The following SLC35B4 variants were observed in gnomAD, a reference collection of about 807,000 sequenced individuals.
SLC35B4 encodes the protein solute carrier family 35 member B4, also known as nucleotide sugar transporter SLC35B4.
Under a neutral mutation model 39.5 loss-of-function variants are expected in SLC35B4, and 28 were observed. That is an observed-to-expected ratio of 0.71 (90% confidence interval 0.53 to 0.97). SLC35B4 has a LOEUF of 0.97. Ranked by LOEUF, SLC35B4 falls within the 50% of genes least tolerant of loss-of-function variation. The pLI is 0.00. For synonymous variants in SLC35B4, 145 were observed against 150.4 expected, an observed-to-expected ratio of 0.96 and a Z score of 0.26; for missense variants, 334 against 414.3, an observed-to-expected ratio of 0.81 and a Z score of 1.68.
rs1213101298 is a variant in SLC35B4, at chr7:134,294,179, C to G, written c.*654G>C. ...CACAGAAAGCAATGGATAGAAGCAT[C>G]TGACTTTTGCATAGAAAAAAAAAAA... On this transcript the variant is annotated 3_prime_UTR_variant, in exon 10 of 10. Transcript: ENST00000378509. The G allele has an allele frequency of 2.0e-5, 3 of 152,148 alleles. No individual in the cohort carries two copies. The highest frequency in any genetic ancestry group is 4.9e-5 in the African/African-American group (2 of 41,186). The allele number at this position is 152,148 out of a possible 1,614,324, so 9.4% of individuals were successfully genotyped here. A position where few individuals can be genotyped will look rare whatever the true frequency, so the allele number is the denominator to read the frequency against.
chr7:134,299,679 T>C, intron 7 of SLC35B4, 81 bp from the exon 8 acceptor site: 1 of 1,283,090 alleles, frequency 7.8e-7, no homozygotes. Context: ...TGATTAAAAG[T>C]CGTACAGGTT....
Position 134,294,269 on chromosome 7 carries a change from G to A in SLC35B4, c.*564C>T, listed in dbSNP as rs1803405870. The A allele has an allele frequency of 6.5e-6, 1 of 153,684 alleles. No individual in the cohort carries two copies. Among genetic ancestry groups the A allele is most frequent in the South Asian group, 2.0e-4 (1 of 4,888 alleles). 9.5% of individuals were successfully genotyped at this position (153,684 alleles called of 1,614,324 possible). ...CACTGTCACTGGGAATCAGCTCAGG[G>A]GAACATCTCTTTCCTTCCCAAAACG... On this transcript the variant is annotated 3_prime_UTR_variant, in exon 10 of 10. Transcript: ENST00000378509.
chr7:134,314,485 T>C (rs986935823), intron 1 of SLC35B4, among the ~76,000 whole-genome samples: 5 of 152,256 alleles, frequency 3.3e-5, no homozygotes, highest in Non-Finnish European at 7.3e-5. Flanking sequence ...ATTACCATTA[T>C]TCCCTGACTT....
chr7:134,301,574 T>C (rs927706250), intron 6 of SLC35B4, among the ~76,000 whole-genome samples, 187 bp downstream of exon 6: 1 of 152,178 alleles, frequency 6.6e-6, no homozygotes, highest in African/African-American at 2.4e-5. Flanking sequence ...CTGCCATGAA[T>C]GTGGGGGCAT....
chr7:134,299,653 T>C, intron 7 of SLC35B4, 55 bp from the exon 8 acceptor site: 1 of 1,419,932 alleles, frequency 7.0e-7, no homozygotes, highest in Non-Finnish European at 9.9e-7. Context: ...ATAGAATAAT[T>C]AGAGTAGCTT....
chr7:134,300,253 C>T lies in SLC35B4; in HGVS notation c.496G>A (p.Ala166Thr). 6.2e-7 allele frequency: 1 copy of T among 1,601,716 alleles called. No individual in the cohort carries two copies. The highest frequency in any genetic ancestry group is 8.5e-7 in the Non-Finnish European group (1 of 1,176,106). Residue 166 changes from alanine to threonine, a missense_variant, in exon 7 of 10, where the codon GCA (alanine) becomes ACA (threonine). Transcript: ENST00000378509. The stretch of plus-strand genomic sequence containing the variant: ...GACATCAGAAGAGCAAAAGTCAATG[C>T]CCCAATACCTAAAAAACAAACATCA... ...AFVWWLLGIG[A>T]LTFALLMSAR...
intron 9 of SLC35B4, among the ~76,000 whole-genome samples, chr7:134,295,926 T>G (rs1433907655): frequency 2.6e-5 from 4 of 152,042 alleles, no homozygotes; most frequent in Non-Finnish European, 5.9e-5. Context: ...ACCTCTTGGG[T>G]TCAAGCGATT....
At chr7:134,317,426 A>G (rs1804013329), upstream of SLC35B4, among the ~76,000 whole-genome samples, 1 of 152,200 alleles carries the variant, frequency 6.6e-6, no homozygotes, top group South Asian at 2.1e-4. Context: ...GAGAGCTTTA[A>G]AGATGACTGA....
chr7:134,305,454 T>C (rs982717866), intron 3 of SLC35B4, among the ~76,000 whole-genome samples: 36 of 152,222 alleles, frequency 2.4e-4, no homozygotes, highest in African/African-American at 8.7e-4. Context: ...CCGTGAATAC[T>C]GTATTTTCAT....
chr7:134,291,270 C>CTATT lies in SLC35B4; in HGVS notation c.*3559_*3562dup, dbSNP rs1280197533. Reference sequence around the variant, plus strand: ...TCACACATTCTGCCAGATATTCTCACTATTATGAATGTACCCCCCAATATC... The same window carrying CTATT: ...TCACACATTCTGCCAGATATTCTCACTATTTATTATGAATGTACCCCCCAATATC... On this transcript the variant is annotated 3_prime_UTR_variant, in exon 10 of 10. Transcript: ENST00000378509. 6 of 149,016 alleles carry CTATT rather than the reference C, an allele frequency of 4.0e-5. No individual in the cohort carries two copies. Among genetic ancestry groups the CTATT allele is most frequent in the Non-Finnish European group, 5.9e-5 (4 of 68,018 alleles). The allele number at this position is 149,016 out of a possible 1,614,324, so 9.2% of individuals were successfully genotyped here.
intron 3 of SLC35B4, among the ~76,000 whole-genome samples, chr7:134,306,438 T>A (rs1803711245): frequency 6.6e-6 from 1 of 152,096 alleles, no homozygotes; most frequent in Non-Finnish European, 1.5e-5. Flanking sequence ...AAAATTTAAT[T>A]TTCTTTTTAT....
chr7:134,314,779 C>A (rs1803931264), intron 1 of SLC35B4, among the ~76,000 whole-genome samples: 1 of 152,156 alleles, frequency 6.6e-6, no homozygotes, highest in Admixed American at 6.5e-5. Flanking sequence ...CGTGATCCAC[C>A]CACCTCGGAC....
chr7:134,307,368 T>C (rs1026102004), intron 2 of SLC35B4, among the ~76,000 whole-genome samples: 5 of 151,356 alleles, frequency 3.3e-5, no homozygotes, highest in African/African-American at 1.2e-4. Flanking sequence ...GTAACCCTAA[T>C]AACTTAAAGG....
At chr7:134,296,556 T>A in intron 8 of SLC35B4, 90 bp from the exon 9 acceptor site, 1 of 861,766 alleles carries the variant, frequency 1.2e-6, no homozygotes, top group Non-Finnish European at 1.9e-6. Flanking sequence ...CTGAACATAA[T>A]AGGAACAGCA....
rs987264386 is a variant in SLC35B4 at position 134,316,644 on chromosome 7, A to T, written c.77+31T>A. ...CTGGCTTCCTCCGCCCCGCCCCGGG[A>T]GACCGGGTGCGGCCCGAGCGGGTCA... is the stretch of plus-strand genomic sequence containing the variant. On this transcript the variant is annotated intron_variant, in intron 1 of 9. Coordinates refer to ENST00000378509, the MANE Select transcript of SLC35B4 (RefSeq NM_032826.5). 6 of 1,547,040 alleles carry T rather than the reference A, an allele frequency of 3.9e-6. No individual in the cohort carries two copies. The African/African-American group carries it at 8.2e-5, about 21-fold the overall frequency.
Position 134,306,784 on chromosome 7 carries a change from A to T in SLC35B4, c.192-10T>A. On this transcript the variant is annotated splice_polypyrimidine_tract_variant and intron_variant, in intron 2 of 9. Coordinates refer to ENST00000378509, the MANE Select transcript of SLC35B4 (RefSeq NM_032826.5). ...CATTATGGCATAGTACCTGAAATGCAGACAGAACAGCTCATCAAACAGAAT... is the reference window on the plus strand; with the variant it reads ...CATTATGGCATAGTACCTGAAATGCTGACAGAACAGCTCATCAAACAGAAT... 6.3e-7 allele frequency: 1 copy of T among 1,589,104 alleles called. No homozygotes were observed. The highest frequency in any genetic ancestry group is 8.6e-7 in the Non-Finnish European group (1 of 1,158,506).
intron 3 of SLC35B4, among the ~76,000 whole-genome samples, chr7:134,305,486 A>C (rs1224866061): frequency 1.3e-5 from 2 of 152,088 alleles, no homozygotes; most frequent in Non-Finnish European, 2.9e-5. Flanking sequence ...AAAAATTTGC[A>C]TATTTGTGGA....
rs577024283 is a variant in SLC35B4 at position 134,289,840 on chromosome 7, T to C, written c.*4993A>G. ...ATTACAACTTCTTTCTTAGAAAGTA[T>C]CAGTATTTCTGCTTTTCTTTTTTCA... On this transcript the variant is annotated 3_prime_UTR_variant, in exon 10 of 10. Transcript: ENST00000378509. 6.6e-6 allele frequency: 1 copy of C among 152,314 alleles called. No homozygotes were observed. Among genetic ancestry groups the C allele is most frequent in the East Asian group, 1.9e-4 (1 of 5,190 alleles). The allele number at this position is 152,314 out of a possible 1,614,324, so 9.4% of individuals were successfully genotyped here.
At chr7:134,316,591 G>T (rs1335581506) in intron 1 of SLC35B4, 84 bp downstream of exon 1, 6 of 1,413,236 alleles carry the variant, frequency 4.2e-6, no homozygotes, top group Non-Finnish European at 5.8e-6. Context: ...GGGACAGGGC[G>T]TGGGCGCGTC....
Sources: gnomAD v4.1 joint callset for allele counts (sites outside exome capture counted in the v4.1 genomes callset) on GRCh38, gnomAD v4.1.1 for gene constraint, MANE v1.5 for transcripts, NCBI Gene and HGNC (gene_info 2026-07-23, HGNC 2026-07-21) for gene names.